The following PRDM11 variants were observed in gnomAD, a reference collection of about 807,000 sequenced individuals.
The protein encoded by PRDM11 is PR domain-containing protein 11.
Under a neutral mutation model 97.8 loss-of-function variants are expected in PRDM11, and 20 were observed. The observed-to-expected ratio is 0.20, with a 90% confidence interval of 0.14 to 0.30. PRDM11 has a LOEUF of 0.30. Ranked by LOEUF, PRDM11 falls within the 10% of genes least tolerant of loss-of-function variation. The pLI is 1.00. For synonymous variants in PRDM11, 599 were observed against 637.7 expected, an observed-to-expected ratio of 0.94 and a Z score of 0.91; for missense variants, 1,139 against 1,555.2, an observed-to-expected ratio of 0.73 and a Z score of 4.50.
intron 1 of PRDM11, among the ~76,000 whole-genome samples, chr11:45,152,633 C>T (rs1175418438): frequency 6.6e-6 from 1 of 152,206 alleles, no homozygotes; most frequent in African/African-American, 2.4e-5. Flanking sequence ...TGAGCACTTA[C>T]TGTGTTCAAA....
intron 1 of PRDM11, among the ~76,000 whole-genome samples, chr11:45,098,647 T>A (rs922148423): frequency 6.6e-6 from 1 of 151,810 alleles, no homozygotes; most frequent in Non-Finnish European, 1.5e-5. Flanking sequence ...GACTATGGGG[T>A]GGTGGTGGGG....
upstream of PRDM11, among the ~76,000 whole-genome samples, chr11:45,146,510 G>C (rs11038329): frequency 0.033 from 4,977 of 152,118 alleles, 293 homozygotes; most frequent in African/African-American, 0.11. Flanking sequence ...TCCGGGCAGG[G>C]CGCGGGCCTA....
intron 5 of PRDM11, among the ~76,000 whole-genome samples, chr11:45,210,932 G>A (rs1334699182): frequency 2.6e-5 from 4 of 152,212 alleles, no homozygotes; most frequent in East Asian, 3.9e-4. Flanking sequence ...ATCCTGCTCC[G>A]CTCACCCCTC....
chr11:45,194,108 G>T (rs1853013430), intron 4 of PRDM11, among the ~76,000 whole-genome samples: 1 of 152,224 alleles, frequency 6.6e-6, no homozygotes, highest in East Asian at 1.9e-4. Context: ...TCAGAATCCT[G>T]TGGCAAAAGG....
intron 1 of PRDM11, among the ~76,000 whole-genome samples, chr11:45,165,460 CAG>C (rs1852040080): frequency 6.6e-6 from 1 of 152,222 alleles, no homozygotes; most frequent in South Asian, 2.1e-4. Context: ...GCTGGGTTCT[CAG>C]GGGGTGGCAT....
intron 1 of PRDM11, among the ~76,000 whole-genome samples, chr11:45,128,585 T>C (rs1301724233): frequency 6.6e-6 from 1 of 151,258 alleles, no homozygotes. Flanking sequence ...AACAAATTCT[T>C]TGAAAACACA....
At chr11:45,222,913 T>C (rs1318717927) in intron 6 of PRDM11, among the ~76,000 whole-genome samples, 1 of 152,248 alleles carries the variant, frequency 6.6e-6, no homozygotes, top group Non-Finnish European at 1.5e-5. Flanking sequence ...CATAGGCTAC[T>C]TTCAGGACCC....
chr11:45,132,095 TGTATCAC>T (rs1283553620), intron 1 of PRDM11, among the ~76,000 whole-genome samples: 1 of 152,204 alleles, frequency 6.6e-6, no homozygotes, highest in Non-Finnish European at 1.5e-5. Context: ...TGGCCAGAAC[TGTATCAC>T]ATGTCCAATG....
chr11:45,127,799 C>T (rs1852613225), intron 1 of PRDM11, among the ~76,000 whole-genome samples: 1 of 152,246 alleles, frequency 6.6e-6, no homozygotes, highest in Non-Finnish European at 1.5e-5. Context: ...GCTCAGGGGT[C>T]AGGGACCCAC....
At chr11:45,153,679 G>A (rs2135689619) in intron 1 of PRDM11, among the ~76,000 whole-genome samples, 1 of 152,332 alleles carries the variant, frequency 6.6e-6, no homozygotes, top group East Asian at 1.9e-4. Context: ...TGTGTTCAAG[G>A]CCAAATATTT....
intron 1 of PRDM11, among the ~76,000 whole-genome samples, chr11:45,110,378 G>A (rs1413436009): frequency 6.6e-6 from 1 of 152,116 alleles, no homozygotes; most frequent in Admixed American, 6.5e-5. Context: ...ACGTAAAAGG[G>A]GGGTGGGGAT....
chr11:45,227,289 T>A lies in PRDM11; in HGVS notation c.2664T>A (p.Ile888=). The change falls in exon 8 of 8, where the codon ATT becomes ATA. Residue 888 remains isoleucine, a synonymous_variant. Transcript: ENST00000683152. The surrounding 1 kb of genome is among the most constrained non-coding windows in gnomAD (Gnocchi z 8.0). ...TCATCTACTTCCTGCTGGACGTGAT[T>A]GCTGTGCTCTCGCGTCTGGCCTACA... is the stretch of plus-strand genomic sequence containing the variant. ...IKLIYFLLDV[I]AVLSRLAYIF... 2.0e-6 allele frequency: 3 copies of A among 1,533,960 alleles called. No homozygotes were observed. The highest frequency in any genetic ancestry group is 2.6e-6 in the Non-Finnish European group (3 of 1,146,730).
Position 45,156,294 on chromosome 11 carries a change from C to T in PRDM11, c.-7+9417C>T, listed in dbSNP as rs116359076. Among the ~76,000 whole-genome samples, 1,484 of 152,328 alleles carry T rather than the reference C, an allele frequency of 9.7e-3. 17 individuals carry two copies. The highest frequency in any genetic ancestry group is 0.033 in the African/African-American group (1,390 of 41,562). On this transcript the variant is annotated intron_variant, in intron 1 of 7. Transcript: ENST00000683152. ...GAATGGGGATGCCTAGCATAAGGACCGGCCATGTTACAGCATTTTCAAACC... is the reference window on the plus strand; with the variant it reads ...GAATGGGGATGCCTAGCATAAGGACTGGCCATGTTACAGCATTTTCAAACC...
At chr11:45,145,399 CCCCATCTGACCATGAACG>C (rs531489280), upstream of PRDM11, among the ~76,000 whole-genome samples, 373 of 152,258 alleles carry the variant, frequency 2.4e-3, 1 homozygote, top group Middle Eastern at 0.01. Flanking sequence ...CCATGAGCAC[CCCCATCTGACCATGAACG>C]CCCATCTGAC....
rs761035461 is a variant in PRDM11, at chr11:45,227,881, G to A, written c.3256G>A (p.Ala1086Thr). ...TCTTAAAGTCCTCCCCACTTCCACC[G>A]CTTGCTGCGAGAAAGGCCGCAATGC... is the stretch of plus-strand genomic sequence containing the variant. ...QVLKVLPTSTACCEKGRNALQ... is the reference protein window; with the variant it reads ...QVLKVLPTSTTCCEKGRNALQ... The change falls in exon 8 of 8, where the codon GCT becomes ACT. Residue 1086 changes from alanine to threonine, a missense_variant. This residue lies in a region of PRDM11 where 710 missense variants were observed against 1,044.9 expected (regional missense o/e 0.68). Coordinates refer to ENST00000683152, the MANE Select transcript of PRDM11 (RefSeq NM_001384648.1). The surrounding 1 kb of genome is among the most constrained non-coding windows in gnomAD (Gnocchi z 8.0). 68 of 1,533,740 alleles carry A rather than the reference G, an allele frequency of 4.4e-5. No individual in the cohort carries two copies. The highest frequency in any genetic ancestry group is 7.1e-5 in the South Asian group (6 of 83,960).
rs201403813 is a variant in PRDM11 at position 45,122,234 on chromosome 11, C to CAGAGAG, written c.96+26334_96+26335insGAGAGA. ...ACACACACACACACACACACACACACACAGAGAGAAACAGAATATCAGCTA... is the reference window on the plus strand; with the variant it reads ...ACACACACACACACACACACACACACAGAGAGACAGAGAGAAACAGAATATCAGCTA... On this transcript the variant is annotated intron_variant, in intron 1 of 6. Transcript: ENST00000530656. Among the ~76,000 whole-genome samples the CAGAGAG allele has an allele frequency of 7.7e-3, 1,070 of 139,350 alleles. 8 individuals are homozygous for CAGAGAG. The highest frequency in any genetic ancestry group is 0.026 in the African/African-American group (1,018 of 39,378). The allele number at this position is 139,350 out of a possible 152,430, so 91.4% of individuals were successfully genotyped here.
intron 1 of PRDM11, among the ~76,000 whole-genome samples, chr11:45,150,887 C>T (rs1389564138): frequency 1.3e-5 from 2 of 152,184 alleles, no homozygotes; most frequent in Non-Finnish European, 2.9e-5. Context: ...GAAAACAGCT[C>T]CACAAGGTAG....
At chr11:45,198,860 C>G (rs61880311) in intron 4 of PRDM11, among the ~76,000 whole-genome samples, 15,350 of 152,220 alleles carry the variant, frequency 0.1, 1,163 homozygotes, top group Admixed American at 0.25. Flanking sequence ...ATGGACTGTA[C>G]TGTCAGAGAC....
At chr11:45,185,902 G>C (rs1024117877) in intron 4 of PRDM11, among the ~76,000 whole-genome samples, 1 of 152,068 alleles carries the variant, frequency 6.6e-6, no homozygotes, top group Non-Finnish European at 1.5e-5. Flanking sequence ...GTAATCACAG[G>C]CATCTTAATA....
Sources: allele counts gnomAD v4.1 joint callset (sites outside exome capture counted in the v4.1 genomes callset), GRCh38; gene constraint gnomAD v4.1.1; regional missense constraint gnomAD v4.1.1; non-coding constraint Gnocchi (gnomAD v3.1); transcripts MANE v1.5; gene names NCBI Gene and HGNC (gene_info 2026-07-23, HGNC 2026-07-21).